Variants in CNTNAP2 observed in about 807,000 individuals in gnomAD.
CNTNAP2 encodes the protein contactin associated protein 2, also known as contactin-associated protein-like 2.
In CNTNAP2, 98 loss-of-function variants were observed where a neutral mutation model predicts 155.2. The ratio of observed to expected loss-of-function variants is 0.63; its 90% CI spans 0.54 to 0.75. The LOEUF (loss-of-function observed/expected upper bound fraction) is 0.75. Among genes scored for constraint, CNTNAP2 ranks in the 30% least tolerant of loss-of-function variants. The probability of loss-of-function intolerance (pLI) is 0.00; values close to 1 mark genes in which losing one functional copy is unlikely to be tolerated. For missense variants in CNTNAP2, 1,727 were observed against 1,688.1 expected, an observed-to-expected ratio of 1.02 and a Z score of -0.40; for synonymous variants, 651 against 631.2, an observed-to-expected ratio of 1.03 and a Z score of -0.47.
intron 9 of CNTNAP2, among the ~76,000 whole-genome samples, chr7:147,329,146 A>C (rs13242471): frequency 0.16 from 23,047 of 147,734 alleles, 2,027 homozygotes; most frequent in East Asian, 0.35. Flanking sequence ...GCACCCCCCC[A>C]CACACACACA....
Position 146,247,124 on chromosome 7 carries a change from G to A in CNTNAP2, c.97+130151G>A, listed in dbSNP as rs982914049. Among the ~76,000 whole-genome samples, 10 of 152,254 alleles carry A rather than the reference G, an allele frequency of 6.6e-5. No individual in the cohort carries two copies. The East Asian group carries it at 1.9e-3, about 29-fold the overall frequency. On this transcript the variant is annotated intron_variant, in intron 1 of 23. Transcript: ENST00000361727. ...TAAGACGGCCTTTTGACCTTTCAGG[G>A]TCTAGGGCTGTAAAGTGTCTCAGGG...
At chr7:146,603,377 A>C (rs1324122731) in intron 1 of CNTNAP2, among the ~76,000 whole-genome samples, 1 of 150,276 alleles carries the variant, frequency 6.7e-6, no homozygotes, top group Non-Finnish European at 1.5e-5. Flanking sequence ...GCGCCACTGC[A>C]CTCCAGCCTG....
chr7:148,248,041 A>G (rs1796303229), intron 20 of CNTNAP2, among the ~76,000 whole-genome samples: 1 of 152,100 alleles, frequency 6.6e-6, no homozygotes, highest in Non-Finnish European at 1.5e-5. Flanking sequence ...GTTTTGACAG[A>G]CGTGCACACC....
intron 13 of CNTNAP2, among the ~76,000 whole-genome samples, chr7:147,779,841 T>G (rs777107212): frequency 6.6e-6 from 1 of 152,208 alleles, no homozygotes; most frequent in African/African-American, 2.4e-5. Flanking sequence ...ATAGGAATTT[T>G]AAAAAGTGAG....
chr7:147,336,842 T>G (rs138413056), intron 9 of CNTNAP2, among the ~76,000 whole-genome samples: 378 of 152,178 alleles, frequency 2.5e-3, no homozygotes, highest in African/African-American at 8.9e-3. Context: ...TCTCTAGAAC[T>G]CTATGGAAAA....
intron 9 of CNTNAP2, among the ~76,000 whole-genome samples, chr7:147,377,231 T>C (rs531884062): frequency 6.6e-6 from 1 of 151,828 alleles, no homozygotes; most frequent in Admixed American, 6.6e-5. Context: ...ATTTTAGGGA[T>C]TATCCTTATT....
intron 1 of CNTNAP2, among the ~76,000 whole-genome samples, chr7:146,443,958 G>A (rs1049099076): frequency 5.3e-5 from 8 of 152,172 alleles, no homozygotes; most frequent in African/African-American, 1.9e-4. Flanking sequence ...ATTTCAGTTT[G>A]TGAAAAATTA....
chr7:147,126,762 C>T (rs538468863), intron 6 of CNTNAP2, among the ~76,000 whole-genome samples: 2 of 152,266 alleles, frequency 1.3e-5, no homozygotes, highest in African/African-American at 4.8e-5. Flanking sequence ...TGTGAGCCAC[C>T]ATGCCTGGCC....
intron 1 of CNTNAP2, among the ~76,000 whole-genome samples, chr7:146,691,339 G>GT (rs1800694186): frequency 6.6e-6 from 1 of 151,624 alleles, no homozygotes; most frequent in African/African-American, 2.4e-5. Flanking sequence ...TGAAAGCAAT[G>GT]TAAGTTGAAA....
chr7:147,486,154 C>A, intron 11 of CNTNAP2, 113 bp downstream of exon 11: 3 of 765,774 alleles, frequency 3.9e-6, no homozygotes, highest in South Asian at 1.8e-5. Flanking sequence ...TCACTCGAAT[C>A]TGAAAAACCA....
intron 1 of CNTNAP2, among the ~76,000 whole-genome samples, chr7:146,677,778 G>A (rs929583876): frequency 2.6e-5 from 4 of 151,760 alleles, no homozygotes; most frequent in Non-Finnish European, 5.9e-5. Context: ...TTAGCTATAC[G>A]TTGTTCTCTA....
intron 1 of CNTNAP2, among the ~76,000 whole-genome samples, chr7:146,123,266 G>A (rs1797588976): frequency 6.6e-6 from 1 of 152,176 alleles, no homozygotes; most frequent in African/African-American, 2.4e-5. Context: ...AACATAAATA[G>A]TGATATATGC....
chr7:148,173,409 C>T (rs1256196001), intron 18 of CNTNAP2, among the ~76,000 whole-genome samples: 2 of 152,198 alleles, frequency 1.3e-5, no homozygotes, highest in East Asian at 3.9e-4. Flanking sequence ...AGAAGCTTTA[C>T]ATAAGTAGCC....
intron 12 of CNTNAP2, among the ~76,000 whole-genome samples, chr7:147,578,043 G>A (rs1049385767): frequency 9.9e-5 from 15 of 152,002 alleles, no homozygotes; most frequent in African/African-American, 2.9e-4. Context: ...CATTGTGGCC[G>A]CTTTAGAATC....
chr7:147,935,509 A>C (rs1181308412), intron 14 of CNTNAP2, among the ~76,000 whole-genome samples: 1 of 152,216 alleles, frequency 6.6e-6, no homozygotes, highest in Non-Finnish European at 1.5e-5. Flanking sequence ...ATTTTATGCC[A>C]CCTTTTTGGT....
At chr7:147,817,154 A>G (rs984629408) in intron 13 of CNTNAP2, among the ~76,000 whole-genome samples, 2 of 152,190 alleles carry the variant, frequency 1.3e-5, no homozygotes, top group African/African-American at 4.8e-5. Context: ...AGTTAATGAC[A>G]TGGGAAAAAA....
chr7:148,137,694 AAGG>A (rs996650024), intron 16 of CNTNAP2, among the ~76,000 whole-genome samples: 4 of 142,340 alleles, frequency 2.8e-5, no homozygotes, highest in African/African-American at 1.1e-4. Context: ...GGAAGGAAGG[AAGG>A]AAGGAAGGAA....
intron 1 of CNTNAP2, among the ~76,000 whole-genome samples, chr7:146,677,981 C>A (rs1268428356): frequency 6.6e-6 from 1 of 152,060 alleles, no homozygotes; most frequent in Non-Finnish European, 1.5e-5. Context: ...CTATTCTGAG[C>A]TATTTTACTT....
chr7:146,407,177 T>A (rs928517116), intron 1 of CNTNAP2, among the ~76,000 whole-genome samples: 10 of 152,068 alleles, frequency 6.6e-5, no homozygotes, highest in African/African-American at 2.4e-4. Context: ...TTACAAAGAG[T>A]CAGGACAACA....
Sources: allele counts gnomAD v4.1 joint callset (sites outside exome capture counted in the v4.1 genomes callset), GRCh38; gene constraint gnomAD v4.1.1; transcripts MANE v1.5; gene names NCBI Gene and HGNC (gene_info 2026-07-23, HGNC 2026-07-21).